Variants in PLCB1 observed in about 807,000 individuals in gnomAD.
PLCB1 encodes 1-phosphatidylinositol 4,5-bisphosphate phosphodiesterase beta-1.
Under a neutral mutation model 161.8 loss-of-function variants are expected in PLCB1, and 46 were observed. The observed-to-expected ratio is 0.28, with a 90% CI of 0.22 to 0.36. The LOEUF (loss-of-function observed/expected upper bound fraction) is 0.36. PLCB1 is among the 10% of genes least tolerant of loss of function. The pLI, the probability that PLCB1 is intolerant of heterozygous loss-of-function variation, is 1.00. For synonymous variants in PLCB1, 517 were observed against 503.7 expected (o/e 1.03, Z -0.35); for missense variants, 1,016 against 1,472.5 (o/e 0.69, Z 5.07).
intron 2 of PLCB1, among the ~76,000 whole-genome samples, chr20:8,171,815 C>T (rs2051735426): frequency 6.6e-6 from 1 of 152,142 alleles, no homozygotes; most frequent in Non-Finnish European, 1.5e-5. Flanking sequence ...ACCAGAAATT[C>T]ATCTGAGAGC....
At chr20:8,812,821 ATGT>A (rs769808850) in intron 31 of PLCB1, among the ~76,000 whole-genome samples, 1 of 152,232 alleles carries the variant, frequency 6.6e-6, no homozygotes, top group Non-Finnish European at 1.5e-5. Context: ...GGGGAGTGAA[ATGT>A]TGAAGAAACC....
intron 4 of PLCB1, among the ~76,000 whole-genome samples, chr20:8,629,790 C>CTTCCTTTCTTTCTTTTCTTTCT (rs1555777936): frequency 2.2e-4 from 20 of 90,444 alleles, no homozygotes; most frequent in Middle Eastern, 6.0e-3. Flanking sequence ...TCCTTCCTTC[C>CTTCCTTTCTTTCTTTTCTTTCT]TTTCTTTCTT....
chr20:8,337,202 G>C (rs1477078679), intron 2 of PLCB1, among the ~76,000 whole-genome samples: 1 of 152,186 alleles, frequency 6.6e-6, no homozygotes, highest in East Asian at 1.9e-4. Context: ...CCAAAGTGTA[G>C]ACTTATGGAA....
intron 2 of PLCB1, among the ~76,000 whole-genome samples, chr20:8,241,603 T>C (rs1980614778): frequency 6.6e-6 from 1 of 151,948 alleles, no homozygotes; most frequent in South Asian, 2.1e-4. Context: ...GGCATTTTTA[T>C]GTATGTTATC....
intron 3 of PLCB1, among the ~76,000 whole-genome samples, chr20:8,560,982 A>G (rs1986122685): frequency 6.6e-6 from 1 of 151,996 alleles, no homozygotes; most frequent in Non-Finnish European, 1.5e-5. Flanking sequence ...AACTGGAAGG[A>G]CCTTCCTAGT....
chr20:8,495,934 T>C (rs1983152314), intron 3 of PLCB1, among the ~76,000 whole-genome samples: 1 of 152,174 alleles, frequency 6.6e-6, no homozygotes, highest in South Asian at 2.1e-4. Context: ...GATGTTCCCG[T>C]GGCTTGCTTT....
intron 31 of PLCB1, among the ~76,000 whole-genome samples, chr20:8,820,106 G>GT (rs1192793938): frequency 0.062 from 8,639 of 140,064 alleles, 704 homozygotes; most frequent in African/African-American, 0.19. Context: ...TTTTATTTAT[G>GT]TTTTTTTTTT....
intron 9 of PLCB1, among the ~76,000 whole-genome samples, chr20:8,658,965 T>C (rs1989547444): frequency 6.6e-6 from 1 of 152,180 alleles, no homozygotes; most frequent in Non-Finnish European, 1.5e-5. Context: ...TTGTTTCAAA[T>C]TCACGCAGTG....
At chr20:8,735,823 C>CA (rs1980552306) in intron 19 of PLCB1, among the ~76,000 whole-genome samples, 1 of 152,136 alleles carries the variant, frequency 6.6e-6, no homozygotes, top group Non-Finnish European at 1.5e-5. Context: ...GCACTCAAGC[C>CA]AAATAGAACA....
At chr20:8,831,063 A>T (rs6056186) in intron 31 of PLCB1, 43,976 of 152,082 alleles carry the variant, frequency 0.29, 6,519 homozygotes, top group Middle Eastern at 0.41. Flanking sequence ...CTTCCTCTCA[A>T]TACTTATTTT....
At chr20:8,281,182 A>G (rs1280535082) in intron 2 of PLCB1, among the ~76,000 whole-genome samples, 1 of 152,218 alleles carries the variant, frequency 6.6e-6, no homozygotes, top group African/African-American at 2.4e-5. Flanking sequence ...AGCACTCAAA[A>G]CAATGTCATG....
intron 10 of PLCB1, among the ~76,000 whole-genome samples, chr20:8,689,258 T>A (rs117998335): frequency 0.01 from 1,556 of 152,270 alleles, 15 homozygotes; most frequent in Middle Eastern, 0.024. Flanking sequence ...GTCCTTAGGA[T>A]TTTCAAGGTA....
intron 2 of PLCB1, among the ~76,000 whole-genome samples, chr20:8,274,495 CTG>C (rs1378294056): frequency 1.3e-5 from 2 of 150,688 alleles, no homozygotes; most frequent in Non-Finnish European, 3.0e-5. Flanking sequence ...TTTTTTTACA[CTG>C]TGTATCTCTA....
intron 31 of PLCB1, among the ~76,000 whole-genome samples, chr20:8,860,754 C>T (rs1004639121): frequency 3.3e-5 from 5 of 152,316 alleles, no homozygotes; most frequent in African/African-American, 1.2e-4. Flanking sequence ...GAATTATGAG[C>T]TCCCTGATGT....
chr20:8,741,835 G>C (rs370103828), intron 23 of PLCB1, among the ~76,000 whole-genome samples: 7 of 152,320 alleles, frequency 4.6e-5, no homozygotes, highest in African/African-American at 1.4e-4. Context: ...TGCTATTTCA[G>C]ATGAAACTTT....
chr20:8,755,580 G>A (rs893087105), intron 23 of PLCB1, among the ~76,000 whole-genome samples: 2 of 152,128 alleles, frequency 1.3e-5, no homozygotes, highest in Non-Finnish European at 2.9e-5. Context: ...TTTTTAAACT[G>A]TTTACTGTGT....
chr20:8,681,472 TCAAAC>T (rs1228785385), intron 9 of PLCB1, among the ~76,000 whole-genome samples: 7 of 152,206 alleles, frequency 4.6e-5, no homozygotes, highest in Non-Finnish European at 1.0e-4. Context: ...AAGTTGCTGA[TCAAAC>T]CAAAGGATGT....
At chr20:8,463,804 G>A (rs1380752862) in intron 3 of PLCB1, among the ~76,000 whole-genome samples, 2 of 152,056 alleles carry the variant, frequency 1.3e-5, no homozygotes, top group Non-Finnish European at 2.9e-5. Context: ...ATTTAGTCTG[G>A]TATTTAATTA....
At chr20:8,621,167 A>C (rs770273586) in intron 3 of PLCB1, among the ~76,000 whole-genome samples, 8 of 152,202 alleles carry the variant, frequency 5.3e-5, no homozygotes, top group Non-Finnish European at 1.0e-4. Flanking sequence ...AATGCTTTTC[A>C]TGCTTTGTCG....
Sources: allele counts gnomAD v4.1 joint callset (sites outside exome capture counted in the v4.1 genomes callset), GRCh38; gene constraint gnomAD v4.1.1; transcripts MANE v1.5; gene names NCBI Gene and HGNC (gene_info 2026-07-23, HGNC 2026-07-21).